Variants in SNX19 observed in about 807,000 individuals in gnomAD.
The protein encoded by SNX19 is sorting nexin 19, also known as sorting nexin-19.
SNX19 carries 60 observed loss-of-function variants against 85.2 expected under a neutral mutation model. The observed-to-expected ratio is 0.70, with a 90% confidence interval of 0.57 to 0.87. SNX19 has a LOEUF of 0.87. SNX19 is among the 40% of genes least tolerant of loss of function. SNX19 has a pLI of 0.00. For missense variants in SNX19, 1,201 were observed against 1,217.8 expected, an observed-to-expected ratio of 0.99 and a Z score of 0.21; for synonymous variants, 520 against 470.0, an observed-to-expected ratio of 1.11 and a Z score of -1.38.
intron 8 of SNX19, among the ~76,000 whole-genome samples, chr11:130,898,951 A>C (rs1246745277): frequency 6.6e-6 from 1 of 152,194 alleles, no homozygotes; most frequent in Non-Finnish European, 1.5e-5. Flanking sequence ...GACAATCATC[A>C]CAGCTATAAA....
chr11:130,909,908 C>A, intron 4 of SNX19, 110 bp downstream of exon 4: 3 of 1,415,434 alleles, frequency 2.1e-6, no homozygotes, highest in East Asian at 2.3e-5. Flanking sequence ...CTCTGTGCTG[C>A]CCCTTCCCAC....
Position 130,905,856 on chromosome 11 carries a change from G to C in SNX19, c.2443+97C>G, listed in dbSNP as rs767117141. 4 of 1,595,292 alleles carry C rather than the reference G, an allele frequency of 2.5e-6. No homozygotes were observed. The East Asian group carries it at 6.8e-5, about 27-fold the overall frequency. On this transcript the variant is annotated intron_variant, in intron 7 of 10. Coordinates refer to ENST00000265909, the MANE Select transcript of SNX19 (RefSeq NM_014758.3). ...AACACATGGCATGCTCAGCTGAATG[G>C]AACAGAAATCAAAGTTACAAACTCC...
rs1380262659 is a variant in SNX19 at position 130,874,261 on chromosome 11, A to G, written c.*4161T>C. ...GGTCTTAAACTCCTGGACTCAAACA[A>G]TCCCCCAACCTTGGCCTCCCAAAGT... On this transcript the variant is annotated 3_prime_UTR_variant, in exon 11 of 11. Transcript: ENST00000265909. 6.6e-6 allele frequency among the ~76,000 whole-genome samples: 1 copy of G among 152,084 alleles called. No homozygotes were observed. The highest frequency in any genetic ancestry group is 6.5e-5 in the Admixed American group (1 of 15,272).
intron 8 of SNX19, among the ~76,000 whole-genome samples, chr11:130,901,096 G>T (rs1003376722): frequency 1.3e-5 from 2 of 152,128 alleles, no homozygotes; most frequent in African/African-American, 2.4e-5. Flanking sequence ...ACGTTGTTTG[G>T]CATGGTGGAC....
intron 7 of SNX19, 103 bp downstream of exon 7, chr11:130,905,850 T>C (rs1312308519): frequency 2.5e-6 from 4 of 1,587,722 alleles, no homozygotes; most frequent in South Asian, 1.1e-5. Flanking sequence ...CATGCTCAGC[T>C]GAATGGAACA....
At chr11:130,911,411 A>G (rs1446423335) in intron 2 of SNX19, 2 of 1,320,514 alleles carry the variant, frequency 1.5e-6, no homozygotes, top group East Asian at 3.1e-5. Context: ...CTTAAACTAG[A>G]TGGGGCTCCA....
At chr11:130,885,848 A>G (rs1944021062) in intron 8 of SNX19, among the ~76,000 whole-genome samples, 1 of 152,184 alleles carries the variant, frequency 6.6e-6, no homozygotes, top group Admixed American at 6.5e-5. Flanking sequence ...TCCTAAGTAC[A>G]CCTTCAGTAA....
intron 1 of SNX19, among the ~76,000 whole-genome samples, chr11:130,914,058 G>C (rs960267371): frequency 6.6e-6 from 1 of 152,172 alleles, no homozygotes; most frequent in Non-Finnish European, 1.5e-5. Flanking sequence ...CATTCTAGCA[G>C]CCCTGAGGTT....
At chr11:130,896,386 TTAAAAA>T (rs1415828936) in intron 8 of SNX19, among the ~76,000 whole-genome samples, 1 of 152,166 alleles carries the variant, frequency 6.6e-6, no homozygotes, top group African/African-American at 2.4e-5. Context: ...CAGAAGTGCT[TTAAAAA>T]TAAAATCAGA....
chr11:130,905,516 C>G, intron 7 of SNX19: 1 of 544,644 alleles, frequency 1.8e-6, no homozygotes, highest in Non-Finnish European at 3.1e-6. Context: ...AGAATAAGGA[C>G]AGCGAGCCAA....
chr11:130,883,438 A>G lies in SNX19; in HGVS notation c.2574-2632T>C, dbSNP rs149284463. On this transcript the variant is annotated intron_variant, in intron 8 of 10. Coordinates refer to ENST00000265909, the MANE Select transcript of SNX19 (RefSeq NM_014758.3). ...CCTGGAAAAAGTCAGGCCCAGGAAT[A>G]TAAGAAACAGGACTTTCACAAACTG... 6.2e-4 allele frequency among the ~76,000 whole-genome samples: 94 copies of G among 152,332 alleles called. 2 individuals are homozygous for G. The East Asian group carries it at 0.014, about 22-fold the overall frequency.
Position 130,868,679 on chromosome 11 carries a change from C to G in SNX19, c.*9743G>C, listed in dbSNP as rs1157302053. On this transcript the variant is annotated 3_prime_UTR_variant, in exon 11 of 11. Coordinates refer to ENST00000265909, the MANE Select transcript of SNX19 (RefSeq NM_014758.3). The stretch of plus-strand genomic sequence containing the variant: ...TAAGTACTCCTCCGCCCCCAACCCC[C>G]CGACCACACCCCATGCCCAGTATAC... 6.6e-6 allele frequency: 1 copy of G among 152,236 alleles called. No individual in the cohort carries two copies. The highest frequency in any genetic ancestry group is 1.5e-5 in the Non-Finnish European group (1 of 68,132). 9.4% of individuals were successfully genotyped at this position (152,236 alleles called of 1,614,324 possible). A position where few individuals can be genotyped will look rare whatever the true frequency, so the allele number is the denominator to read the frequency against.
rs1234656376 is a variant in SNX19 at position 130,867,063 on chromosome 11, T to C, written c.*11359A>G. The C allele has an allele frequency of 6.6e-6, 1 of 152,232 alleles. No individual in the cohort carries two copies. Among genetic ancestry groups the C allele is most frequent in the African/African-American group, 2.4e-5 (1 of 41,448 alleles). 9.4% of individuals were successfully genotyped at this position (152,232 alleles called of 1,614,324 possible). On this transcript the variant is annotated 3_prime_UTR_variant, in exon 11 of 11. Coordinates refer to ENST00000265909, the MANE Select transcript of SNX19 (RefSeq NM_014758.3). ...CAGCTAACTACTGACAGAGCTGGAA[T>C]TCTGCCTGGTTGGTTGTCGGCATAA...
Position 130,878,285 on chromosome 11 carries a change from T to C in SNX19, c.*137A>G, listed in dbSNP as rs1316618772. 1.8e-5 allele frequency: 16 copies of C among 896,942 alleles called. No homozygotes were observed. The highest frequency in any genetic ancestry group is 2.5e-5 in the Non-Finnish European group (15 of 606,546). The allele number at this position is 896,942 out of a possible 1,614,324, so 55.6% of individuals were successfully genotyped here. On this transcript the variant is annotated 3_prime_UTR_variant, in exon 11 of 11. Coordinates refer to ENST00000265909, the MANE Select transcript of SNX19 (RefSeq NM_014758.3). ...TCACCTGCTACAAATGGAGCAGAAG[T>C]GGGAGAGAAGTGAGCCACCGAGAAC...
chr11:130,892,265 C>T (rs1944554163), intron 8 of SNX19, among the ~76,000 whole-genome samples: 1 of 151,454 alleles, frequency 6.6e-6, no homozygotes. Context: ...AAAATCAGGA[C>T]TGACAGACTT....
chr11:130,896,991 T>C (rs1237452837), intron 8 of SNX19, among the ~76,000 whole-genome samples: 2 of 151,318 alleles, frequency 1.3e-5, no homozygotes, highest in East Asian at 3.9e-4. Context: ...AGCAAGAGGG[T>C]TCATGGTCAA....
intron 8 of SNX19, among the ~76,000 whole-genome samples, chr11:130,897,503 C>T (rs1944956495): frequency 6.6e-6 from 1 of 152,186 alleles, no homozygotes; most frequent in African/African-American, 2.4e-5. Context: ...ATGGGGAGGG[C>T]AGCGCCGCGG....
Position 130,914,573 on chromosome 11 carries a change from A to G in SNX19, c.1367T>C (p.Ile456Thr). The change falls in exon 1 of 11, where the codon ATA becomes ACA. Residue 456 changes from isoleucine (I) to threonine (T), a missense_variant. This residue lies in a region of SNX19 where 791 missense variants were observed against 750.9 expected (regional missense o/e 1.05). Coordinates refer to ENST00000265909, the MANE Select transcript of SNX19 (RefSeq NM_014758.3). ...AGAGGCGGTAACATCTCCTTGTTCT[A>G]TCTCCTTGTCTGCTGTGTCAATATG... ...EIHIDTADKE[I>T]EQGDVTASVT... The G allele has an allele frequency of 6.2e-7, 1 of 1,613,918 alleles. No homozygotes were observed. Among genetic ancestry groups the G allele is most frequent in the Non-Finnish European group, 8.5e-7 (1 of 1,179,866 alleles).
At chr11:130,909,841 A>AT (rs1319117721) in intron 4 of SNX19, among the ~76,000 whole-genome samples, 177 bp downstream of exon 4, 2 of 152,174 alleles carry the variant, frequency 1.3e-5, no homozygotes, top group Admixed American at 6.5e-5. Flanking sequence ...CAAGCTGATG[A>AT]TTCAACCAAT....
Sources: allele counts gnomAD v4.1 joint callset (sites outside exome capture counted in the v4.1 genomes callset), GRCh38; gene constraint gnomAD v4.1.1; regional missense constraint gnomAD v4.1.1; transcripts MANE v1.5; gene names NCBI Gene and HGNC (gene_info 2026-07-23, HGNC 2026-07-21).